PDE1A: variants seen among roughly 807,000 people sequenced by gnomAD.
The protein encoded by PDE1A is phosphodiesterase 1A.
Under a neutral mutation model 61.7 loss-of-function variants are expected in PDE1A, and 35 were observed. The observed-to-expected ratio is 0.57, with a 90% CI of 0.43 to 0.75. The LOEUF is 0.75. Among genes scored for constraint, PDE1A ranks in the 30% least tolerant of loss-of-function variants. The probability of loss-of-function intolerance (pLI) is 0.00; values close to 1 mark genes in which losing one functional copy is unlikely to be tolerated. For synonymous variants in PDE1A, 232 were observed against 213.2 expected (o/e 1.09, Z -0.77); for missense variants, 597 against 630.6 (o/e 0.95, Z 0.57).
At chr2:182,371,179 A>G (rs1700110759) in intron 1 of PDE1A, among the ~76,000 whole-genome samples, 1 of 152,188 alleles carries the variant, frequency 6.6e-6, no homozygotes, top group Admixed American at 6.5e-5. Context: ...AAGACTACGA[A>G]AAAAGTAGTT....
chr2:182,635,698 C>CTCTCTCTCTA, the PDE1A span, among the ~76,000 whole-genome samples: 6,942 of 147,334 alleles, frequency 0.047, 243 homozygotes, highest in African/African-American at 0.092. Flanking sequence ...CTCTCTCTCT[C>CTCTCTCTCTA]TCCACATATG....
At chr2:182,151,968 C>G (rs1352488220) in intron 13 of PDE1A, among the ~76,000 whole-genome samples, 1 of 152,136 alleles carries the variant, frequency 6.6e-6, no homozygotes, top group Non-Finnish European at 1.5e-5. Flanking sequence ...ATTTGGGAGA[C>G]AGAATCACAA....
chr2:182,194,582 CAA>C (rs1685979298), intron 10 of PDE1A, among the ~76,000 whole-genome samples: 1 of 152,030 alleles, frequency 6.6e-6, no homozygotes. Flanking sequence ...GCAGCTTATT[CAA>C]GAGTCAGAAA....
intron 1 of PDE1A, among the ~76,000 whole-genome samples, chr2:182,383,443 C>A (rs61069172): frequency 2.0e-5 from 3 of 151,692 alleles, no homozygotes; most frequent in Non-Finnish European, 2.9e-5. Flanking sequence ...AGGAAATGAC[C>A]AGTATATGAC....
chr2:182,366,805 T>C (rs1337654588), intron 1 of PDE1A, among the ~76,000 whole-genome samples: 2 of 152,200 alleles, frequency 1.3e-5, no homozygotes. Context: ...AATTGTGAAA[T>C]TGTTTTGACT....
chr2:182,191,490 T>A (rs931021065), intron 10 of PDE1A, among the ~76,000 whole-genome samples: 1 of 152,164 alleles, frequency 6.6e-6, no homozygotes, highest in East Asian at 1.9e-4. Context: ...TAACATATGC[T>A]GATACAACTG....
chr2:182,307,743 T>C (rs1439401816), intron 1 of PDE1A, among the ~76,000 whole-genome samples: 1 of 152,132 alleles, frequency 6.6e-6, no homozygotes, highest in African/African-American at 2.4e-5. Flanking sequence ...AATCATGGCT[T>C]ACACTTATAG....
At chr2:182,295,426 A>G (rs1316399634) in intron 1 of PDE1A, among the ~76,000 whole-genome samples, 1 of 152,224 alleles carries the variant, frequency 6.6e-6, no homozygotes, top group Non-Finnish European at 1.5e-5. Flanking sequence ...TCAGATGGTC[A>G]TAAAGTGTTT....
rs560329047 is a variant in PDE1A at position 182,297,215 on chromosome 2, G to C, written c.54-32801C>G. ...ATAAAGTAATTTTTGGCAGTTACAGGGTTATAAAAACTGTTACTTATTACA... is the reference window on the plus strand; with the variant it reads ...ATAAAGTAATTTTTGGCAGTTACAGCGTTATAAAAACTGTTACTTATTACA... On this transcript the variant is annotated intron_variant, in intron 1 of 13. Transcript: ENST00000351439. Among the ~76,000 whole-genome samples, 7 of 151,992 alleles carry C rather than the reference G, an allele frequency of 4.6e-5. No individual in the cohort carries two copies. The South Asian group carries it at 1.5e-3, about 32-fold the overall frequency.
downstream of PDE1A, chr2:182,142,084 A>G (rs1297649562): frequency 6.6e-6 from 1 of 151,706 alleles, no homozygotes; most frequent in Non-Finnish European, 1.5e-5. Flanking sequence ...TGTTATCTGT[A>G]CAGAAAAGTG....
At chr2:182,637,736 C>T in the PDE1A span, among the ~76,000 whole-genome samples, 134 of 152,158 alleles carry the variant, frequency 8.8e-4, no homozygotes, top group African/African-American at 3.0e-3. Flanking sequence ...AGGCTCCCAA[C>T]GTGATGAAAC....
downstream of PDE1A, among the ~76,000 whole-genome samples, chr2:182,162,896 C>A (rs778260344): frequency 6.6e-5 from 10 of 152,132 alleles, no homozygotes; most frequent in South Asian, 2.1e-4. Context: ...ACAGAATCCC[C>A]ACATTGGTTC....
rs879034446 is a variant in PDE1A at position 182,371,514 on chromosome 2, A to C, written c.53+55064T>G. On this transcript the variant is annotated intron_variant, in intron 1 of 13. Coordinates refer to ENST00000351439, the Ensembl canonical transcript of PDE1A. The stretch of plus-strand genomic sequence containing the variant: ...TAAAAGTACAAGCAGACTGCCCCAC[A>C]ATGTTTCAGCAGATAGGCAGAAGAA... 3.3e-5 allele frequency among the ~76,000 whole-genome samples: 5 copies of C among 152,302 alleles called. 1 individual carries two copies. The highest frequency in any genetic ancestry group is 2.6e-4 in the Admixed American group (4 of 15,310).
intron 1 of PDE1A, among the ~76,000 whole-genome samples, chr2:182,322,419 A>C (rs1000414434): frequency 1.3e-5 from 2 of 152,186 alleles, no homozygotes; most frequent in Non-Finnish European, 2.9e-5. Context: ...ATGATAATGA[A>C]TATGTCTCAA....
intron 1 of PDE1A, among the ~76,000 whole-genome samples, chr2:182,293,344 G>T (rs1010131861): frequency 2.0e-5 from 3 of 152,030 alleles, no homozygotes; most frequent in Non-Finnish European, 4.4e-5. Context: ...AAACAGTAGC[G>T]CTTTGATTTT....
chr2:182,243,822 T>C (rs921294503), intron 2 of PDE1A, among the ~76,000 whole-genome samples: 1 of 152,222 alleles, frequency 6.6e-6, no homozygotes. Context: ...CATTTTGTCC[T>C]ATAAACATAT....
At chr2:182,487,717 T>C (rs1249550245) in intron 2 of PDE1A, among the ~76,000 whole-genome samples, 1 of 152,150 alleles carries the variant, frequency 6.6e-6, no homozygotes, top group Non-Finnish European at 1.5e-5. Flanking sequence ...CTTTTAAGGA[T>C]TGCATAACTC....
chr2:182,507,956 A>C (rs1689517529), intron 2 of PDE1A, among the ~76,000 whole-genome samples: 1 of 152,158 alleles, frequency 6.6e-6, no homozygotes, highest in Admixed American at 6.5e-5. Flanking sequence ...GGCAGAATAA[A>C]CTATATTAAG....
At chr2:182,366,386 G>C (rs973437231) in intron 1 of PDE1A, among the ~76,000 whole-genome samples, 2 of 151,996 alleles carry the variant, frequency 1.3e-5, no homozygotes, top group African/African-American at 4.8e-5. Flanking sequence ...ATTTCTGTTA[G>C]AGCTGGATCA....
Sources: gnomAD v4.1 joint callset for allele counts (sites outside exome capture counted in the v4.1 genomes callset) on GRCh38, gnomAD v4.1.1 for gene constraint, MANE v1.5 for transcripts, NCBI Gene and HGNC (gene_info 2026-07-23, HGNC 2026-07-21) for gene names.